The following NALCN variants were observed in gnomAD, a reference collection of about 807,000 sequenced individuals.
NALCN encodes sodium leak channel NALCN.
In NALCN, 111 loss-of-function variants were observed where a neutral mutation model predicts 225.3. The observed-to-expected ratio is 0.49, with a 90% confidence interval of 0.42 to 0.58. The LOEUF (loss-of-function observed/expected upper bound fraction) is 0.58. Ranked by LOEUF, NALCN falls within the 20% of genes least tolerant of loss-of-function variation. NALCN has a pLI of 0.00. For missense variants in NALCN, 1,378 were observed against 2,202.4 expected (o/e 0.63, Z 7.49); for synonymous variants, 764 against 769.0 (o/e 0.99, Z 0.11).
At chr13:101,217,662 A>G (rs934069511) in intron 13 of NALCN, among the ~76,000 whole-genome samples, 1 of 152,086 alleles carries the variant, frequency 6.6e-6, no homozygotes, top group Non-Finnish European at 1.5e-5. Context: ...CATGCTCTCA[A>G]CCTCAAGGTA....
chr13:101,268,690 A>C lies in NALCN; in HGVS notation c.1135-10116T>G, dbSNP rs191948412. Among the ~76,000 whole-genome samples the C allele has an allele frequency of 7.9e-3, 1,196 of 152,340 alleles. 11 individuals carry two copies. Among genetic ancestry groups the C allele is most frequent in the South Asian group, 0.028 (134 of 4,830 alleles). On this transcript the variant is annotated intron_variant, in intron 10 of 43. Coordinates refer to ENST00000251127, the MANE Select transcript of NALCN (RefSeq NM_052867.4). Reference sequence around the variant, plus strand: ...ATACTGCCACTAAGACTACAGAGATACAAATATATCAGTTAAAGTAAGAAA... The same window carrying C: ...ATACTGCCACTAAGACTACAGAGATCCAAATATATCAGTTAAAGTAAGAAA...
At chr13:101,411,345 C>CTT (rs35728574) in intron 1 of NALCN, among the ~76,000 whole-genome samples, 132 of 138,202 alleles carry the variant, frequency 9.6e-4, no homozygotes, top group African/African-American at 1.2e-3. Context: ...AAGCATCAGA[C>CTT]TTTTTTTTTT....
rs373769985 is a variant in NALCN, at chr13:101,399,291, CAT to C, written c.-39-128_-39-127del. 566 of 499,724 alleles carry C rather than the reference CAT, an allele frequency of 1.1e-3. 3 individuals carry two copies. The highest frequency in any genetic ancestry group is 9.7e-3 in the African/African-American group (501 of 51,424). 31.0% of individuals were successfully genotyped at this position (499,724 alleles called of 1,614,324 possible). A position where few individuals can be genotyped will look rare whatever the true frequency, so the allele number is the denominator to read the frequency against. ...GTTCTACTCCATAGTGTATAATAAA[CAT>C]ATGAAAATAGAAACTTTAAAAGGAT... On this transcript the variant is annotated intron_variant, in intron 1 of 43. Coordinates refer to ENST00000251127, the MANE Select transcript of NALCN (RefSeq NM_052867.4).
At chr13:101,277,047 T>C (rs958839948) in intron 10 of NALCN, among the ~76,000 whole-genome samples, 1 of 152,074 alleles carries the variant, frequency 6.6e-6, no homozygotes, top group Non-Finnish European at 1.5e-5. Context: ...TATATGTTTG[T>C]GTATATATAC....
At chr13:101,339,236 A>T (rs1272803243) in intron 7 of NALCN, among the ~76,000 whole-genome samples, 2 of 152,146 alleles carry the variant, frequency 1.3e-5, no homozygotes, top group African/African-American at 4.8e-5. Context: ...AAACCTTACC[A>T]CTGTATGATT....
intron 17 of NALCN, among the ~76,000 whole-genome samples, chr13:101,131,764 T>C: frequency 6.6e-6 from 1 of 152,162 alleles, no homozygotes; most frequent in East Asian, 1.9e-4. Flanking sequence ...ATTACCGAGT[T>C]TTATGGTAAA....
chr13:101,204,252 G>A (rs2140051284), intron 13 of NALCN, among the ~76,000 whole-genome samples: 1 of 152,216 alleles, frequency 6.6e-6, no homozygotes, highest in Admixed American at 6.5e-5. Context: ...TATTCCTTGT[G>A]ATTTAGGAGG....
intron 7 of NALCN, among the ~76,000 whole-genome samples, chr13:101,342,103 C>G (rs922999634): frequency 6.6e-6 from 1 of 151,988 alleles, no homozygotes; most frequent in African/African-American, 2.4e-5. Context: ...TTACAACAAC[C>G]AAAATGGATC....
Position 101,062,111 on chromosome 13 carries a change from A to T in NALCN, c.4612T>A (p.Ser1538Thr). 1 of 1,614,032 alleles carries T rather than the reference A, an allele frequency of 6.2e-7. No individual in the cohort carries two copies. The highest frequency in any genetic ancestry group is 1.1e-5 in the South Asian group (1 of 91,072). The change falls in exon 41 of 44, where the codon TCA (serine) becomes ACA (threonine). Residue 1538 changes from serine (S) to threonine (T), a missense_variant. By Grantham distance (58) the Ser-to-Thr change is moderately conservative (BLOSUM62 1). Around this residue, in one of 19 missense-constraint regions of NALCN, gnomAD observed 94 missense variants for 170.3 expected, o/e 0.55. Coordinates refer to ENST00000251127, the MANE Select transcript of NALCN (RefSeq NM_052867.4). ...TTCCGGATGTCCACGGACCGGTATG[A>T]AAGCATGCTGGTGGGAGAAACACAC... ...VTFHDVLSML[S>T]YRSVDIRKSL...
chr13:101,176,139 T>C (rs1003590296), intron 15 of NALCN, among the ~76,000 whole-genome samples, 161 bp downstream of exon 15: 1 of 152,206 alleles, frequency 6.6e-6, no homozygotes, highest in Non-Finnish European at 1.5e-5. Context: ...CCCTTGTTAA[T>C]ATTAGATAAA....
intron 15 of NALCN, among the ~76,000 whole-genome samples, chr13:101,160,752 G>T (rs745728666): frequency 1.3e-5 from 2 of 152,128 alleles, no homozygotes; most frequent in Non-Finnish European, 2.9e-5. Flanking sequence ...GGTTGAGCCA[G>T]AAACCGGGCC....
intron 15 of NALCN, among the ~76,000 whole-genome samples, chr13:101,160,488 C>T (rs1028717038): frequency 6.6e-6 from 1 of 152,142 alleles, no homozygotes; most frequent in African/African-American, 2.4e-5. Context: ...CATCTGCTTC[C>T]TCCTGAATGA....
intron 28 of NALCN, among the ~76,000 whole-genome samples, chr13:101,091,581 T>C (rs2139558767): frequency 6.6e-6 from 1 of 152,278 alleles, no homozygotes; most frequent in East Asian, 1.9e-4. Flanking sequence ...TTTTTTTATG[T>C]ATGAAAGTAC....
intron 2 of NALCN, among the ~76,000 whole-genome samples, chr13:101,397,816 G>A (rs1220157599): frequency 6.6e-6 from 1 of 151,966 alleles, no homozygotes. Context: ...TATAAAACAG[G>A]CTAAGTGGAA....
chr13:101,343,089 G>C (rs1293145340), intron 7 of NALCN, among the ~76,000 whole-genome samples: 2 of 152,078 alleles, frequency 1.3e-5, no homozygotes, highest in Non-Finnish European at 2.9e-5. Context: ...TGCATGAAGA[G>C]ATGATCACAT....
At chr13:101,260,468 C>A (rs577260832) in intron 10 of NALCN, among the ~76,000 whole-genome samples, 1 of 152,282 alleles carries the variant, frequency 6.6e-6, no homozygotes, top group South Asian at 2.1e-4. Flanking sequence ...AGTGATTGTA[C>A]TAATTTACCT....
chr13:101,313,069 C>G lies in NALCN; in HGVS notation c.800-20703G>C, dbSNP rs192666979. Among the ~76,000 whole-genome samples, 1,479 of 152,188 alleles carry G rather than the reference C, an allele frequency of 9.7e-3. 25 individuals are homozygous for G. The highest frequency in any genetic ancestry group is 0.012 in the South Asian group (58 of 4,820). ...TGTTCTTTGACAAACCTGACAAAAA[C>G]AAGAAATGGGGAAAGGATTCCCTAT... On this transcript the variant is annotated intron_variant, in intron 7 of 43. Transcript: ENST00000251127.
At chr13:101,266,950 T>C (rs993367852) in intron 10 of NALCN, among the ~76,000 whole-genome samples, 2 of 152,190 alleles carry the variant, frequency 1.3e-5, no homozygotes, top group Non-Finnish European at 2.9e-5. Context: ...ACATAACCAG[T>C]GGATATCCTT....
intron 13 of NALCN, among the ~76,000 whole-genome samples, chr13:101,228,103 A>G (rs1261133152): frequency 6.6e-6 from 1 of 152,122 alleles, no homozygotes; most frequent in African/African-American, 2.4e-5. Flanking sequence ...TTTCTTGAGG[A>G]CTTATGTCCC....
Sources: allele counts gnomAD v4.1 joint callset (sites outside exome capture counted in the v4.1 genomes callset), GRCh38; gene constraint gnomAD v4.1.1; regional missense constraint gnomAD v4.1.1; transcripts MANE v1.5; gene names NCBI Gene and HGNC (gene_info 2026-07-23, HGNC 2026-07-21).